The following CLCN5 variants were observed in gnomAD, a reference collection of about 807,000 sequenced individuals.
The protein encoded by CLCN5 is Cl-/H+ antiporter 5, also known as H(+)/Cl(-) exchange transporter 5.
CLCN5 carries 17 observed loss-of-function variants against 54.0 expected under a neutral mutation model. That is an observed-to-expected ratio of 0.31 (90% CI 0.22 to 0.47). The LOEUF (loss-of-function observed/expected upper bound fraction) is 0.47. CLCN5 is among the 20% of genes least tolerant of loss of function. CLCN5 has a pLI of 1.00. For missense variants in CLCN5, 448 were observed against 646.7 expected, an observed-to-expected ratio of 0.69 and a Z score of 3.33; for synonymous variants, 222 against 233.0, an observed-to-expected ratio of 0.95 and a Z score of 0.43.
At chrX:50,075,396 GTA>G (rs1192701797) in intron 6 of CLCN5, among the ~76,000 whole-genome samples, 42 of 109,386 alleles carry the variant, frequency 3.8e-4, no homozygotes, top group African/African-American at 1.1e-3. Context: ...ATATGTATAT[GTA>G]TATATATATA....
intron 4 of CLCN5, among the ~76,000 whole-genome samples, chrX:50,053,794 T>C (rs1264974622): frequency 8.9e-6 from 1 of 112,077 alleles, no homozygotes; most frequent in Non-Finnish European, 1.9e-5. Flanking sequence ...TTGTTTAATT[T>C]CCAGGTATTT....
intron 3 of CLCN5, among the ~76,000 whole-genome samples, chrX:49,942,672 G>T (rs2147273933): frequency 1.9e-5 from 2 of 105,753 alleles, no homozygotes; most frequent in South Asian, 8.5e-4. Flanking sequence ...TTTTGTCCTT[G>T]CGATAGTTTG....
In CLCN5 at chrX:50,017,815, A is replaced by AT. The variant is rs58625295; in HGVS notation, c.17-24498dup. On this transcript the variant is annotated intron_variant, in intron 3 of 14. Transcript: ENST00000376091. Reference sequence around the variant, plus strand: ...TATATTTTTGTGGGTATATTTCTGGATTTGTTCTGTTCTATTGATCTATAT... The same window carrying AT: ...TATATTTTTGTGGGTATATTTCTGGATTTTGTTCTGTTCTATTGATCTATAT... 1.1e-3 allele frequency among the ~76,000 whole-genome samples: 125 copies of AT among 110,790 alleles called. 1 individual carries two copies. Among genetic ancestry groups the AT allele is most frequent in the Non-Finnish European group, 2.1e-3 (109 of 52,761 alleles).
intron 3 of CLCN5, among the ~76,000 whole-genome samples, chrX:49,951,124 G>A (rs1205205492): frequency 2.7e-5 from 3 of 111,656 alleles, no homozygotes; most frequent in African/African-American, 3.3e-5. Context: ...AAATTAGAGC[G>A]TTAAAGTTAA....
At chrX:50,034,274 T>TA (rs782218121) in intron 3 of CLCN5, among the ~76,000 whole-genome samples, 75 of 112,295 alleles carry the variant, frequency 6.7e-4, no homozygotes, top group Non-Finnish European at 1.0e-3. Context: ...GTATAGTGGG[T>TA]AGACAGAAGG....
intron 3 of CLCN5, among the ~76,000 whole-genome samples, chrX:49,964,217 C>T (rs1249301383): frequency 1.8e-5 from 2 of 112,317 alleles, no homozygotes; most frequent in African/African-American, 6.4e-5. Flanking sequence ...TGTAAAGAAA[C>T]TTCATGAATT....
intron 3 of CLCN5, among the ~76,000 whole-genome samples, chrX:49,940,678 A>G (rs1418864232): frequency 8.9e-6 from 1 of 112,274 alleles, no homozygotes; most frequent in Non-Finnish European, 1.9e-5. Flanking sequence ...TTTTGGCTAC[A>G]GGATTGTATT....
At position 49,987,370 on chromosome X, in the gene CLCN5, C is replaced by G. The variant is rs1179356131; in HGVS notation, c.17-54946C>G. Among the ~76,000 whole-genome samples the G allele has an allele frequency of 2.7e-5, 3 of 112,007 alleles. No homozygotes were observed. The East Asian group carries it at 8.4e-4, about 31-fold the overall frequency. On this transcript the variant is annotated intron_variant, in intron 3 of 14. Transcript: ENST00000376091. ...TAACCCCTTTGGAGAGTAAGCAGTA[C>G]ATTTCTCATAGAAGGTGGATGGTAT...
At chrX:50,083,636 T>C (rs781987210) in intron 9 of CLCN5, among the ~76,000 whole-genome samples, 265 of 111,956 alleles carry the variant, frequency 2.4e-3, no homozygotes, top group African/African-American at 8.2e-3. Context: ...CTGAAGCATT[T>C]CAGGGTACAT....
intron 3 of CLCN5, among the ~76,000 whole-genome samples, chrX:49,964,668 A>T (rs1276531334): frequency 2.7e-5 from 3 of 111,441 alleles, no homozygotes; most frequent in African/African-American, 9.8e-5. Flanking sequence ...TGTTTATCAA[A>T]CTCATTTATC....
intron 3 of CLCN5, among the ~76,000 whole-genome samples, chrX:49,962,383 T>A (rs782339328): frequency 7.7e-4 from 86 of 111,759 alleles, no homozygotes; most frequent in African/African-American, 2.6e-3. Context: ...TGCTTTCTTA[T>A]CAATGATGCT....
At chrX:49,973,956 G>C (rs966968605) in intron 3 of CLCN5, among the ~76,000 whole-genome samples, 1 of 111,946 alleles carries the variant, frequency 8.9e-6, no homozygotes, top group Non-Finnish European at 1.9e-5. Flanking sequence ...TCTTTCTATA[G>C]ATTTGACTAT....
chrX:50,070,072 A>G, intron 5 of CLCN5, 42 bp downstream of exon 5: 1 of 1,118,698 alleles, frequency 8.9e-7, no homozygotes, highest in Non-Finnish European at 1.2e-6. Flanking sequence ...TAGGAAATAC[A>G]GGGGAAGAAA....
At position 50,090,363 on chromosome X, in the gene CLCN5, G is replaced by T. The variant is rs1557194587; in HGVS notation, c.1992G>T (p.Leu664Phe). 8.3e-7 allele frequency: 1 copy of T among 1,211,672 alleles called. No individual in the cohort carries two copies. Among genetic ancestry groups the T allele is most frequent in the Non-Finnish European group, 1.1e-6 (1 of 895,433 alleles). ...TGAAACCCCGGAGAAATGATCCTTT[G>T]TTGACTGTCCTTACTCAGGACAGTA... ...DVMKPRRNDP[L>F]LTVLTQDSMT... The change falls in exon 13 of 15, where the codon TTG (leucine) becomes TTT (phenylalanine). Residue 664 changes from leucine to phenylalanine, a missense_variant. This residue lies in a region of CLCN5 where 297 missense variants were observed against 470.4 expected (regional missense o/e 0.63). Transcript: ENST00000376091.
chrX:49,996,309 C>T (rs1929519631), intron 3 of CLCN5, among the ~76,000 whole-genome samples: 1 of 111,807 alleles, frequency 8.9e-6, no homozygotes, highest in Non-Finnish European at 1.9e-5. Flanking sequence ...CCTTTCTGTT[C>T]TCACCTCTAC....
rs1557167821 is a variant in CLCN5, at chrX:49,925,252, T to C, written c.-47T>C. On this transcript the variant is annotated 5_prime_UTR_variant, in exon 3 of 15. Coordinates refer to ENST00000376091, the MANE Select transcript of CLCN5 (RefSeq NM_001127898.4). ...GTCTCCCTACAAAACTGAGAGGCTC[T>C]GGGAAACTCAGCCTGTGACCCCAGC... 8.3e-7 allele frequency: 1 copy of C among 1,199,227 alleles called. No individual in the cohort carries two copies. Among genetic ancestry groups the C allele is most frequent in the South Asian group, 1.8e-5 (1 of 56,659 alleles).
intron 3 of CLCN5, among the ~76,000 whole-genome samples, chrX:49,930,253 A>G (rs984230217): frequency 8.9e-6 from 1 of 112,032 alleles, no homozygotes; most frequent in Admixed American, 9.5e-5. Context: ...AAGGAAGCAG[A>G]TGTTCTCATA....
chrX:50,075,291 C>T (rs1569540098), intron 6 of CLCN5, among the ~76,000 whole-genome samples: 1 of 111,011 alleles, frequency 9.0e-6, no homozygotes, highest in African/African-American at 3.3e-5. Flanking sequence ...CCATAATCTT[C>T]GTCAGCTCTC....
In CLCN5 at chrX:50,042,584, AT is replaced by A. The variant is rs1932265543; in HGVS notation, c.163+124del. ...CTGTGAGTTTTTAACAAATGGCTAG[AT>A]TATTGTAACTACCACCACTGACAGG... On this transcript the variant is annotated intron_variant, in intron 4 of 14. Transcript: ENST00000376091. 6 of 423,093 alleles carry A rather than the reference AT, an allele frequency of 1.4e-5. No homozygotes were observed. In the East Asian group the frequency reaches 2.7e-4, roughly 19 times the overall value. 34.9% of individuals were successfully genotyped at this position (423,093 alleles called of 1,213,427 possible).
Sources: gnomAD v4.1 joint callset for allele counts (sites outside exome capture counted in the v4.1 genomes callset) on GRCh38, gnomAD v4.1.1 for gene constraint, gnomAD v4.1.1 regional missense constraint, MANE v1.5 for transcripts, NCBI Gene and HGNC (gene_info 2026-07-23, HGNC 2026-07-21) for gene names.